Variants in PDSS2 observed in about 807,000 individuals in gnomAD.
PDSS2 encodes the protein decaprenyl diphosphate synthase subunit 2.
PDSS2 carries 31 observed loss-of-function variants against 44.5 expected under a neutral mutation model. That is an observed-to-expected ratio of 0.70 (90% CI 0.52 to 0.94). The LOEUF is 0.94. Ranked by LOEUF, PDSS2 falls within the 40% of genes least tolerant of loss-of-function variation. The pLI is 0.00. For missense variants in PDSS2, 452 were observed against 482.2 expected (o/e 0.94, Z 0.59); for synonymous variants, 157 against 180.3 (o/e 0.87, Z 1.03).
intron 2 of PDSS2, among the ~76,000 whole-genome samples, chr6:107,280,217 G>A (rs1775917196): frequency 6.6e-6 from 1 of 152,028 alleles, no homozygotes; most frequent in Non-Finnish European, 1.5e-5. Context: ...GCGCCATGAT[G>A]TCCAGCTAAG....
At chr6:107,323,016 G>A (rs1777431073) in intron 2 of PDSS2, among the ~76,000 whole-genome samples, 2 of 152,280 alleles carry the variant, frequency 1.3e-5, no homozygotes, top group South Asian at 2.1e-4. Flanking sequence ...GAAAGTCCAA[G>A]AGCACAGTGA....
chr6:107,336,020 G>T (rs1329190950), intron 1 of PDSS2, among the ~76,000 whole-genome samples: 1 of 123,582 alleles, frequency 8.1e-6, no homozygotes, highest in African/African-American at 3.0e-5. Flanking sequence ...TGGGGGGGGT[G>T]GGGGGTGGGG....
chr6:107,457,293 C>T lies in PDSS2; in HGVS notation c.296+1697G>A, dbSNP rs117116347. On this transcript the variant is annotated intron_variant, in intron 1 of 7. Transcript: ENST00000369037. ...CATAAATACCCTGCTTATGATATTA[C>T]ACCATCGTTTCAAAAGATGTTACCA... Among the ~76,000 whole-genome samples the T allele has an allele frequency of 5.4e-3, 815 of 152,258 alleles. 8 individuals are homozygous for T. Among genetic ancestry groups the T allele is most frequent in the Middle Eastern group, 0.01 (3 of 294 alleles).
chr6:107,332,138 T>G (rs962658062), intron 2 of PDSS2, among the ~76,000 whole-genome samples: 1 of 151,392 alleles, frequency 6.6e-6, no homozygotes, highest in African/African-American at 2.4e-5. Context: ...AGGGTCTCAT[T>G]CTGTTGCCCA....
chr6:107,364,505 C>T (rs1189478441), intron 1 of PDSS2, among the ~76,000 whole-genome samples: 2 of 152,248 alleles, frequency 1.3e-5, no homozygotes, highest in African/African-American at 2.4e-5. Flanking sequence ...TCCCCCATTG[C>T]CCGGGGCCAG....
intron 1 of PDSS2, among the ~76,000 whole-genome samples, chr6:107,352,023 G>A (rs146379519): frequency 6.6e-6 from 1 of 152,224 alleles, no homozygotes; most frequent in East Asian, 1.9e-4. Flanking sequence ...TCAGAGACCT[G>A]AATTTTACAA....
At chr6:107,190,493 C>G (rs1177030937) in intron 7 of PDSS2, among the ~76,000 whole-genome samples, 1 of 152,184 alleles carries the variant, frequency 6.6e-6, no homozygotes, top group African/African-American at 2.4e-5. Context: ...ACTGTCTCTG[C>G]CCTCCAAGAG....
chr6:107,391,311 A>G (rs73513165), intron 1 of PDSS2, among the ~76,000 whole-genome samples: 4,061 of 152,230 alleles, frequency 0.027, 199 homozygotes, highest in African/African-American at 0.093. Flanking sequence ...ATGTGTAATG[A>G]TAAGAGGGAA....
At chr6:107,303,578 ATACATATGGTAC>A (rs1434734997) in intron 2 of PDSS2, among the ~76,000 whole-genome samples, 3 of 152,236 alleles carry the variant, frequency 2.0e-5, no homozygotes, top group African/African-American at 7.2e-5. Context: ...TGTTCATACT[ATACATATGGTAC>A]TACAACTTGC....
chr6:107,220,237 A>G (rs1000170842), intron 4 of PDSS2, among the ~76,000 whole-genome samples: 1 of 152,290 alleles, frequency 6.6e-6, no homozygotes, highest in East Asian at 1.9e-4. Flanking sequence ...ATATACCTCA[A>G]TAAAGCTGTT....
At position 107,212,314 on chromosome 6, in the gene PDSS2, G is replaced by T. The variant is rs781277239; in HGVS notation, c.703-32C>A. The T allele has an allele frequency of 6.0e-6, 9 of 1,509,830 alleles. No homozygotes were observed. In the South Asian group the frequency reaches 1.1e-4, roughly 18 times the overall value. 93.5% of individuals were successfully genotyped at this position (1,509,830 alleles called of 1,614,324 possible). ...ATGTAACAAAAGCCAAGATAAAAAAGACTTTAGGAGTAATTTAATTGTTTC... is the reference window on the plus strand; with the variant it reads ...ATGTAACAAAAGCCAAGATAAAAAATACTTTAGGAGTAATTTAATTGTTTC... On this transcript the variant is annotated intron_variant, in intron 4 of 7. Transcript: ENST00000369037.
In PDSS2 at chr6:107,212,125, A is replaced by G. The variant is rs372795943; in HGVS notation, c.860T>C (p.Met287Thr). The change falls in exon 5 of 8, where the codon ATG becomes ACG. Residue 287 changes from methionine to threonine, a missense_variant. Met to Thr is a moderately conservative substitution (Grantham distance 81). Transcript: ENST00000369037. ...QNMAFQYGKH[M>T]AMSHKINSDV... is the part of the protein sequence containing the mutation. ...GCAAAGTACCTTATGACTCATGGCC[A>G]TGTGCTTCCCATACTGAAATGCCAT... 1.9e-6 allele frequency: 3 copies of G among 1,613,936 alleles called. No homozygotes were observed. In the African/African-American group the frequency reaches 4.0e-5, roughly 22 times the overall value.
At chr6:107,248,684 G>T (rs78461492) in intron 3 of PDSS2, among the ~76,000 whole-genome samples, 2,057 of 152,248 alleles carry the variant, frequency 0.014, 44 homozygotes, top group African/African-American at 0.047. Context: ...TGGAAAAGAT[G>T]ATTCCTTAAG....
chr6:107,441,667 T>C (rs1781513869), intron 1 of PDSS2, among the ~76,000 whole-genome samples: 2 of 152,192 alleles, frequency 1.3e-5, no homozygotes, highest in Non-Finnish European at 1.5e-5. Context: ...AAATTATCTA[T>C]ACAGTAAGAA....
At chr6:107,444,361 G>A (rs759600838) in intron 1 of PDSS2, among the ~76,000 whole-genome samples, 9 of 152,120 alleles carry the variant, frequency 5.9e-5, no homozygotes, top group Non-Finnish European at 1.0e-4. Context: ...TTGATTTACA[G>A]ATGAAGAAAC....
intron 7 of PDSS2, among the ~76,000 whole-genome samples, chr6:107,170,192 C>G (rs1403911612): frequency 6.6e-6 from 1 of 152,158 alleles, no homozygotes; most frequent in Non-Finnish European, 1.5e-5. Context: ...GCCCCTCCAC[C>G]AGCCTTGTTG....
In PDSS2 at chr6:107,354,387, T is replaced by C. The variant is rs189191662; in HGVS notation, c.297-20055A>G. Among the ~76,000 whole-genome samples, 3 of 152,336 alleles carry C rather than the reference T, an allele frequency of 2.0e-5. No individual in the cohort carries two copies. In the East Asian group the frequency reaches 5.8e-4, roughly 29 times the overall value. The stretch of plus-strand genomic sequence containing the variant: ...GGAAGAGTTTCTTTACAATAAATGA[T>C]AGGATATAAAGCAAAGGGCAAAATT... On this transcript the variant is annotated intron_variant, in intron 1 of 7. Transcript: ENST00000369037.
At chr6:107,187,909 A>G (rs1038032047) in intron 7 of PDSS2, among the ~76,000 whole-genome samples, 19 of 152,226 alleles carry the variant, frequency 1.2e-4, no homozygotes, top group African/African-American at 4.6e-4. Context: ...ATGCACTTAA[A>G]TACAAACTGA....
At chr6:107,322,068 C>G (rs576817760) in intron 2 of PDSS2, among the ~76,000 whole-genome samples, 2 of 152,204 alleles carry the variant, frequency 1.3e-5, no homozygotes, top group Non-Finnish European at 2.9e-5. Flanking sequence ...TTGCACATAC[C>G]CTTTTCTTGA....
Sources: allele counts gnomAD v4.1 joint callset (sites outside exome capture counted in the v4.1 genomes callset), GRCh38; gene constraint gnomAD v4.1.1; transcripts MANE v1.5; gene names NCBI Gene and HGNC (gene_info 2026-07-23, HGNC 2026-07-21).